The following NEGR1 variants were observed in gnomAD, a reference collection of about 807,000 sequenced individuals.
NEGR1 encodes the protein neuronal growth regulator 1.
In NEGR1, 10 loss-of-function variants were observed where a neutral mutation model predicts 40.9. The ratio of observed to expected loss-of-function variants is 0.24; its 90% CI spans 0.15 to 0.42. NEGR1 has a LOEUF of 0.42. Ranked by LOEUF, NEGR1 falls within the 10% of genes least tolerant of loss-of-function variation. The pLI, the probability that NEGR1 is intolerant of heterozygous loss-of-function variation, is 1.00. For missense variants in NEGR1, 352 were observed against 438.9 expected, an observed-to-expected ratio of 0.80 and a Z score of 1.77; for synonymous variants, 185 against 166.8, an observed-to-expected ratio of 1.11 and a Z score of -0.84.
intron 2 of NEGR1, among the ~76,000 whole-genome samples, chr1:71,827,210 A>AT (rs1658660107): frequency 6.6e-6 from 1 of 151,756 alleles, no homozygotes; most frequent in Admixed American, 6.6e-5. Context: ...TGAAAAAAAA[A>AT]GAGGGAGCAG....
Position 71,698,115 on chromosome 1 carries a change from T to A in NEGR1, c.560A>T (p.Tyr187Phe). The A allele has an allele frequency of 6.2e-7, 1 of 1,610,590 alleles. No individual in the cohort carries two copies. The highest frequency in any genetic ancestry group is 8.5e-7 in the Non-Finnish European group (1 of 1,177,626). ...PSAKPFENGQYLDIYGITRDQ... is the reference protein window; with the variant it reads ...PSAKPFENGQFLDIYGITRDQ... ...CCTTGTAATTCCATAAATGTCCAAA[T>A]ATTGTCCATTTTCAAATGGTTTTGC... The change falls in exon 4 of 7, where the codon TAT becomes TTT. Residue 187 changes from tyrosine to phenylalanine, a missense_variant. Transcript: ENST00000357731.
At chr1:71,413,976 C>G (rs1646339723) in intron 6 of NEGR1, among the ~76,000 whole-genome samples, 1 of 152,016 alleles carries the variant, frequency 6.6e-6, no homozygotes, top group Admixed American at 6.6e-5. Flanking sequence ...TAGAAATTTC[C>G]TTAAATTACT....
chr1:71,844,934 C>G (rs918638873), intron 2 of NEGR1, among the ~76,000 whole-genome samples: 2 of 152,102 alleles, frequency 1.3e-5, no homozygotes, highest in Non-Finnish European at 2.9e-5. Context: ...AAGAAAGTGC[C>G]TTCTATAGGA....
At chr1:72,037,314 C>G (rs1553132878) in intron 1 of NEGR1, among the ~76,000 whole-genome samples, 1 of 152,078 alleles carries the variant, frequency 6.6e-6, no homozygotes, top group Non-Finnish European at 1.5e-5. Flanking sequence ...TATTGAGTGC[C>G]TACTATATTC....
intron 6 of NEGR1, among the ~76,000 whole-genome samples, chr1:71,462,777 A>G (rs150017220): frequency 4.6e-4 from 70 of 152,314 alleles, no homozygotes; most frequent in African/African-American, 1.5e-3. Flanking sequence ...AATTTCATTT[A>G]TTATTGTGTT....
chr1:71,730,508 T>C (rs1347660127), intron 3 of NEGR1, among the ~76,000 whole-genome samples: 8 of 148,528 alleles, frequency 5.4e-5, no homozygotes, highest in Non-Finnish European at 1.2e-4. Context: ...TTTTATTGAA[T>C]ATATATGTTT....
chr1:72,081,319 G>C (rs1327035689), intron 1 of NEGR1, among the ~76,000 whole-genome samples: 1 of 152,026 alleles, frequency 6.6e-6, no homozygotes, highest in East Asian at 1.9e-4. Context: ...AATAAGAGGA[G>C]CTTGATAAAG....
chr1:71,547,638 C>T (rs1026592626), intron 6 of NEGR1, among the ~76,000 whole-genome samples: 9 of 151,536 alleles, frequency 5.9e-5, no homozygotes, highest in Non-Finnish European at 1.2e-4. Context: ...TCAGTGTGGC[C>T]CCAGACAGAA....
At chr1:71,814,273 G>A (rs183138011) in intron 2 of NEGR1, among the ~76,000 whole-genome samples, 4 of 152,128 alleles carry the variant, frequency 2.6e-5, no homozygotes, top group East Asian at 1.9e-4. Context: ...ACTTTATCAC[G>A]GTGAATACGC....
At chr1:72,084,363 T>C (rs963529905) in intron 1 of NEGR1, among the ~76,000 whole-genome samples, 3 of 152,212 alleles carry the variant, frequency 2.0e-5, no homozygotes, top group African/African-American at 7.2e-5. Context: ...CAGGGTTTTA[T>C]TTAAATCTTA....
At chr1:71,417,186 T>C (rs1361171953) in intron 6 of NEGR1, among the ~76,000 whole-genome samples, 1 of 152,204 alleles carries the variant, frequency 6.6e-6, no homozygotes, top group Non-Finnish European at 1.5e-5. Flanking sequence ...ATCACTCTCA[T>C]GTGCATCTTC....
intron 5 of NEGR1, among the ~76,000 whole-genome samples, chr1:71,597,280 A>G (rs6424434): frequency 0.85 from 129,511 of 151,764 alleles, 58,251 homozygotes; most frequent in Non-Finnish European, 1. Context: ...GGAACCATAG[A>G]GGAAAATTAT....
chr1:72,031,401 T>C (rs1470637208), intron 1 of NEGR1, among the ~76,000 whole-genome samples: 1 of 152,184 alleles, frequency 6.6e-6, no homozygotes, highest in Non-Finnish European at 1.5e-5. Context: ...TTACTTATTT[T>C]GGATATTAAA....
intron 2 of NEGR1, among the ~76,000 whole-genome samples, chr1:71,849,856 T>C (rs756000366): frequency 1.3e-5 from 2 of 152,142 alleles, no homozygotes; most frequent in East Asian, 3.9e-4. Context: ...GGTGTGTACA[T>C]TTTTTTAGAT....
chr1:71,909,680 T>C (rs1384596793), intron 2 of NEGR1, among the ~76,000 whole-genome samples: 1 of 152,230 alleles, frequency 6.6e-6, no homozygotes, highest in Non-Finnish European at 1.5e-5. Flanking sequence ...TGAATATTTA[T>C]TTTGTTCCAC....
intron 1 of NEGR1, among the ~76,000 whole-genome samples, chr1:72,005,306 A>G (rs2100389979): frequency 6.6e-6 from 1 of 152,258 alleles, no homozygotes; most frequent in Admixed American, 6.5e-5. Flanking sequence ...GCCCAAATAA[A>G]AAATAGTTTA....
At chr1:72,132,125 T>A (rs922523998) in intron 1 of NEGR1, among the ~76,000 whole-genome samples, 5 of 152,050 alleles carry the variant, frequency 3.3e-5, no homozygotes, top group Admixed American at 3.3e-4. Flanking sequence ...ATAAAATAAA[T>A]TTTAAAAATG....
At chr1:71,605,968 G>A (rs1650062639) in intron 5 of NEGR1, among the ~76,000 whole-genome samples, 1 of 152,182 alleles carries the variant, frequency 6.6e-6, no homozygotes, top group South Asian at 2.1e-4. Context: ...GAGAGACAGT[G>A]TGGGAGCCAT....
chr1:72,073,863 T>C (rs1647589742), intron 1 of NEGR1, among the ~76,000 whole-genome samples: 1 of 151,752 alleles, frequency 6.6e-6, no homozygotes, highest in Non-Finnish European at 1.5e-5. Flanking sequence ...ATGACATAGC[T>C]GTAGGATTTT....
Sources: gnomAD v4.1 joint callset for allele counts (sites outside exome capture counted in the v4.1 genomes callset) on GRCh38, gnomAD v4.1.1 for gene constraint, MANE v1.5 for transcripts, NCBI Gene and HGNC (gene_info 2026-07-23, HGNC 2026-07-21) for gene names.